SLC5A8: variants seen among roughly 807,000 people sequenced by gnomAD.
SLC5A8 encodes the protein solute carrier family 5 member 8.
In SLC5A8, 55 loss-of-function variants were observed where a neutral mutation model predicts 71.9. The ratio of observed to expected loss-of-function variants is 0.77; its 90% CI spans 0.62 to 0.96. SLC5A8 has a LOEUF of 0.96. Ranked by LOEUF, SLC5A8 falls within the 40% of genes least tolerant of loss-of-function variation. SLC5A8 has a pLI of 0.00. For missense variants in SLC5A8, 701 were observed against 745.3 expected (o/e 0.94, Z 0.69); for synonymous variants, 307 against 276.1 (o/e 1.11, Z -1.11).
intron 4 of SLC5A8, 34 bp downstream of exon 4, chr12:101,195,061 G>T: frequency 6.2e-7 from 1 of 1,609,354 alleles, no homozygotes; most frequent in African/African-American, 1.3e-5. Context: ...AAGCAAGTGG[G>T]TAGAGTGAAA....
At chr12:101,180,700 T>G (rs1400163380) in intron 9 of SLC5A8, among the ~76,000 whole-genome samples, 1 of 151,314 alleles carries the variant, frequency 6.6e-6, no homozygotes, top group East Asian at 1.9e-4. Flanking sequence ...TGCTAAGTTG[T>G]TTTCCCCAGA....
chr12:101,179,781 A>G (rs1695939287), intron 10 of SLC5A8, among the ~76,000 whole-genome samples: 1 of 152,188 alleles, frequency 6.6e-6, no homozygotes, highest in South Asian at 2.1e-4. Context: ...GCAAGATGTT[A>G]CCACTGAGGG....
intron 3 of SLC5A8, among the ~76,000 whole-genome samples, chr12:101,195,444 T>C (rs962741861): frequency 1.3e-5 from 2 of 152,214 alleles, no homozygotes; most frequent in Non-Finnish European, 2.9e-5. Flanking sequence ...AGAAACTCCT[T>C]GATACTGTGA....
intron 12 of SLC5A8, 150 bp downstream of exon 12, chr12:101,166,344 G>T: frequency 1.7e-6 from 1 of 582,500 alleles, no homozygotes; most frequent in African/African-American, 1.9e-5. Context: ...TGTTACCGCT[G>T]CAGAAAATAC....
intron 13 of SLC5A8, among the ~76,000 whole-genome samples, chr12:101,158,596 C>CTATATA (rs1416083451): frequency 1.4e-3 from 25 of 17,702 alleles, no homozygotes; most frequent in Middle Eastern, 0.033. Context: ...CTCTCTCTCT[C>CTATATA]TCTATATATA....
chr12:101,199,928 T>C (rs150287241), intron 3 of SLC5A8, among the ~76,000 whole-genome samples: 89 of 143,610 alleles, frequency 6.2e-4, no homozygotes, highest in African/African-American at 2.1e-3. Flanking sequence ...CACTATAGCC[T>C]AAAACTGGAA....
At chr12:101,187,323 C>T in intron 7 of SLC5A8, 63 bp downstream of exon 7, 3 of 1,507,652 alleles carry the variant, frequency 2.0e-6, no homozygotes, top group East Asian at 2.4e-5. Context: ...ATGCTCTTTC[C>T]TCTCAACTAA....
intron 13 of SLC5A8, among the ~76,000 whole-genome samples, chr12:101,158,596 CTCTATA>C (rs1475230026): frequency 7.3e-4 from 13 of 17,700 alleles, no homozygotes; most frequent in African/African-American, 1.9e-3. Flanking sequence ...CTCTCTCTCT[CTCTATA>C]TATATATATA....
chr12:101,157,456 A>C, intron 14 of SLC5A8, 55 bp from the exon 15 acceptor site: 2 of 1,521,468 alleles, frequency 1.3e-6, no homozygotes, highest in Non-Finnish European at 1.8e-6. Flanking sequence ...CTCTTCATTC[A>C]TGTAATTCTA....
chr12:101,199,269 T>TA (rs1555316807), intron 3 of SLC5A8: 4 of 152,032 alleles, frequency 2.6e-5, no homozygotes, highest in Non-Finnish European at 5.9e-5. Context: ...CTTCCTTTTT[T>TA]AAAAAATATG....
chr12:101,181,548 A>C (rs1868368887), intron 9 of SLC5A8, among the ~76,000 whole-genome samples: 1 of 152,174 alleles, frequency 6.6e-6, no homozygotes, highest in Non-Finnish European at 1.5e-5. Context: ...TTATCTCAAA[A>C]CCCAATTCTG....
intron 1 of SLC5A8, among the ~76,000 whole-genome samples, chr12:101,208,324 C>T (rs1164339463): frequency 6.6e-6 from 1 of 152,146 alleles, no homozygotes; most frequent in East Asian, 1.9e-4. Context: ...TTTGTTGTGC[C>T]GTTAAGGCCC....
intron 10 of SLC5A8, among the ~76,000 whole-genome samples, chr12:101,168,584 A>T (rs1454433473): frequency 1.3e-5 from 2 of 152,212 alleles, no homozygotes; most frequent in African/African-American, 4.8e-5. Context: ...GAGTACTGCT[A>T]TGTGACCAGA....
intron 5 of SLC5A8, 42 bp downstream of exon 5, chr12:101,193,583 A>G: frequency 6.4e-7 from 1 of 1,559,828 alleles, no homozygotes; most frequent in Non-Finnish European, 8.7e-7. Flanking sequence ...TTTTTATAGA[A>G]TACAAAAGAT....
At position 101,155,650 on chromosome 12, in the gene SLC5A8, C is replaced by T. The variant is rs976313907; in HGVS notation, c.*1629G>A. On this transcript the variant is annotated 3_prime_UTR_variant, in exon 15 of 15. Coordinates refer to ENST00000536262, the MANE Select transcript of SLC5A8 (RefSeq NM_145913.5). ...TACAAGTATGTGGCAACATGCCTAG[C>T]TAAGTTTTTTTTATTTTTATTTTTT... 2.6e-5 allele frequency: 4 copies of T among 151,502 alleles called. No individual in the cohort carries two copies. The highest frequency in any genetic ancestry group is 9.7e-5 in the African/African-American group (4 of 41,298). The allele number at this position is 151,502 out of a possible 1,614,324, so 9.4% of individuals were successfully genotyped here. A position where few individuals can be genotyped will look rare whatever the true frequency, so the allele number is the denominator to read the frequency against.
intron 12 of SLC5A8, among the ~76,000 whole-genome samples, chr12:101,165,917 C>T (rs980048498): frequency 6.6e-6 from 1 of 152,188 alleles, no homozygotes; most frequent in Non-Finnish European, 1.5e-5. Flanking sequence ...TACAATAAAG[C>T]ATGCCTCTAC....
intron 13 of SLC5A8, 146 bp from the exon 14 acceptor site, chr12:101,158,474 C>T (rs2051688560): frequency 1.7e-6 from 1 of 573,514 alleles, no homozygotes; most frequent in South Asian, 2.2e-5. Context: ...CTTAAAAGCA[C>T]TGATCACTTA....
chr12:101,205,225 C>G (rs990696643), intron 1 of SLC5A8, among the ~76,000 whole-genome samples: 1 of 152,172 alleles, frequency 6.6e-6, no homozygotes, highest in East Asian at 1.9e-4. Context: ...AAGGCTGCCC[C>G]GGTTTCTGTC....
At position 101,210,220 on chromosome 12, in the gene SLC5A8, C is replaced by T. The variant is rs1869873733; in HGVS notation, c.-372G>A. ...TTCCAGCGAATCTACACAGGGAGCG[C>T]TCTGGGCAGGTTTTGTTCAAGTGGT... On this transcript the variant is annotated 5_prime_UTR_variant, in exon 1 of 15. Transcript: ENST00000536262. 4.1e-6 allele frequency: 1 copy of T among 243,202 alleles called. No homozygotes were observed. The highest frequency in any genetic ancestry group is 7.8e-6 in the Non-Finnish European group (1 of 128,082). The allele number at this position is 243,202 out of a possible 1,614,324, so 15.1% of individuals were successfully genotyped here.
Sources: gnomAD v4.1 joint callset for allele counts (sites outside exome capture counted in the v4.1 genomes callset) on GRCh38, gnomAD v4.1.1 for gene constraint, MANE v1.5 for transcripts, NCBI Gene and HGNC (gene_info 2026-07-23, HGNC 2026-07-21) for gene names.